NIM1K: variants seen among roughly 807,000 people sequenced by gnomAD.
The protein encoded by NIM1K is NIM1 serine/threonine protein kinase, also known as serine/threonine-protein kinase NIM1.
NIM1K carries 35 observed loss-of-function variants against 37.1 expected under a neutral mutation model. That is an observed-to-expected ratio of 0.94 (90% CI 0.72 to 1.25). The LOEUF is 1.25. Ranked by LOEUF, NIM1K falls within the 50% of genes most tolerant of loss-of-function variation. The pLI is 0.00. For missense variants in NIM1K, 564 were observed against 548.0 expected (o/e 1.03, Z -0.29); for synonymous variants, 234 against 206.6 (o/e 1.13, Z -1.14).
At chr5:43,199,527 C>A (rs562458298) in intron 1 of NIM1K, among the ~76,000 whole-genome samples, 10 of 152,172 alleles carry the variant, frequency 6.6e-5, no homozygotes, top group Non-Finnish European at 1.0e-4. Context: ...ACTTCATGGT[C>A]TCTAGGTGGC....
intron 1 of NIM1K, among the ~76,000 whole-genome samples, chr5:43,238,206 C>G (rs1373905017): frequency 6.6e-6 from 1 of 151,954 alleles, no homozygotes; most frequent in East Asian, 1.9e-4. Flanking sequence ...CCACGCCCGG[C>G]TAATTTTTTG....
At chr5:43,198,207 CTCTTTCT>C (rs1360754929) in intron 1 of NIM1K, among the ~76,000 whole-genome samples, 1 of 48,872 alleles carries the variant, frequency 2.0e-5, no homozygotes, top group African/African-American at 7.9e-5. Context: ...TTCTTTCTTT[CTCTTTCT>C]TTCTTTCTTT....
rs550459357 is a variant in NIM1K, at chr5:43,236,772, G to C, written c.-694-8310G>C. 6.6e-5 allele frequency among the ~76,000 whole-genome samples: 10 copies of C among 152,336 alleles called. No homozygotes were observed. In the South Asian group the frequency reaches 2.1e-3, roughly 32 times the overall value. On this transcript the variant is annotated intron_variant, in intron 1 of 3. Coordinates refer to ENST00000326035, the MANE Select transcript of NIM1K (RefSeq NM_153361.4). ...ACTGGATGGACTGTCCCTGGATGCT[G>C]GGTGTGAACTGGATGAGGGTAGACC... is the stretch of plus-strand genomic sequence containing the variant.
chr5:43,211,722 C>T (rs527971409), intron 1 of NIM1K, among the ~76,000 whole-genome samples: 5 of 152,236 alleles, frequency 3.3e-5, no homozygotes, highest in African/African-American at 9.6e-5. Context: ...GCTTTCTAGA[C>T]CATGCAATGG....
At chr5:43,252,547 G>C (rs975726352) in intron 2 of NIM1K, among the ~76,000 whole-genome samples, 1 of 147,576 alleles carries the variant, frequency 6.8e-6, no homozygotes, top group Non-Finnish European at 1.5e-5. Flanking sequence ...GCCAGGAGCA[G>C]CTCCCAGGAC....
Position 43,256,725 on chromosome 5 carries a change from T to C in NIM1K, c.292+10658T>C, listed in dbSNP as rs183176585. Among the ~76,000 whole-genome samples the C allele has an allele frequency of 2.1e-3, 326 of 152,296 alleles. 4 individuals are homozygous for C. Among genetic ancestry groups the C allele is most frequent in the African/African-American group, 7.5e-3 (313 of 41,554 alleles). ...CAGAAGTACAGAATGCACTTCCTGG[T>C]GGAGTGGCCAGCAACCACTGACTGG... On this transcript the variant is annotated intron_variant, in intron 2 of 3. Transcript: ENST00000326035.
chr5:43,272,188 T>C (rs966785695), intron 2 of NIM1K, among the ~76,000 whole-genome samples: 1 of 152,206 alleles, frequency 6.6e-6, no homozygotes, highest in Non-Finnish European at 1.5e-5. Context: ...TTGTAGACCA[T>C]AACCCTAATG....
At position 43,228,661 on chromosome 5, in the gene NIM1K, C is replaced by CA. The variant is rs542810989; in HGVS notation, c.-694-16410dup. 9.7e-3 allele frequency among the ~76,000 whole-genome samples: 1,368 copies of CA among 140,972 alleles called. 12 individuals are homozygous for CA. Among genetic ancestry groups the CA allele is most frequent in the African/African-American group, 0.026 (988 of 38,238 alleles). 92.5% of individuals were successfully genotyped at this position (140,972 alleles called of 152,430 possible). On this transcript the variant is annotated intron_variant, in intron 1 of 3. Coordinates refer to ENST00000326035, the MANE Select transcript of NIM1K (RefSeq NM_153361.4). Reference sequence around the variant, plus strand: ...CCAACATGGCAAAACCCTGTCTCTACAAAAAAAAAAACCCTAAAAATCAGC... The same window carrying CA: ...CCAACATGGCAAAACCCTGTCTCTACAAAAAAAAAAAACCCTAAAAATCAGC...
intron 2 of NIM1K, among the ~76,000 whole-genome samples, chr5:43,276,405 A>T (rs189770801): frequency 6.6e-6 from 1 of 152,364 alleles, no homozygotes; most frequent in East Asian, 1.9e-4. Context: ...ATCTCATGTG[A>T]ACTCAGAGCG....
intron 1 of NIM1K, among the ~76,000 whole-genome samples, chr5:43,235,063 C>A (rs1478429570): frequency 6.6e-6 from 1 of 152,150 alleles, no homozygotes; most frequent in Non-Finnish European, 1.5e-5. Flanking sequence ...TGTTTCATTT[C>A]CTTTTAAAAA....
intron 1 of NIM1K, among the ~76,000 whole-genome samples, chr5:43,223,247 G>A (rs774823975): frequency 3.3e-5 from 5 of 152,146 alleles, no homozygotes; most frequent in Non-Finnish European, 7.3e-5. Context: ...TCCCTGCCTG[G>A]GCTTGAATCC....
intron 1 of NIM1K, among the ~76,000 whole-genome samples, chr5:43,236,274 A>G (rs892671253): frequency 1.3e-5 from 2 of 151,990 alleles, no homozygotes; most frequent in Non-Finnish European, 2.9e-5. Flanking sequence ...CAAACAAAAA[A>G]CAAAACAAAA....
chr5:43,263,396 G>T (rs541978631), intron 2 of NIM1K, among the ~76,000 whole-genome samples: 4,863 of 152,112 alleles, frequency 0.032, 287 homozygotes, highest in African/African-American at 0.11. Context: ...TTTATTTGCA[G>T]AGTGGTATTT....
intron 3 of NIM1K, among the ~76,000 whole-genome samples, chr5:43,277,688 G>A (rs936067320): frequency 4.0e-5 from 6 of 151,716 alleles, no homozygotes; most frequent in African/African-American, 1.2e-4. Flanking sequence ...TGTCTAGGAT[G>A]CCCTCATATG....
At chr5:43,250,528 A>C (rs1752853719) in intron 2 of NIM1K, among the ~76,000 whole-genome samples, 1 of 152,198 alleles carries the variant, frequency 6.6e-6, no homozygotes, top group African/African-American at 2.4e-5. Context: ...AACACACAGC[A>C]CCAAAAGAGC....
intron 1 of NIM1K, among the ~76,000 whole-genome samples, chr5:43,235,390 C>T (rs1752606572): frequency 6.6e-6 from 1 of 152,150 alleles, no homozygotes; most frequent in South Asian, 2.1e-4. Context: ...GTCTCTTAAG[C>T]ATTTTTGTTT....
chr5:43,198,425 TTTCC>T (rs1224827346), intron 1 of NIM1K, among the ~76,000 whole-genome samples: 1 of 150,194 alleles, frequency 6.7e-6, no homozygotes, highest in Non-Finnish European at 1.5e-5. Flanking sequence ...TCTTTCCTAC[TTTCC>T]TTCCTTCCTT....
intron 1 of NIM1K, among the ~76,000 whole-genome samples, chr5:43,208,806 A>G (rs1487986860): frequency 6.6e-6 from 1 of 152,158 alleles, no homozygotes; most frequent in East Asian, 1.9e-4. Flanking sequence ...TTTGGGGGAA[A>G]GGGACTAGAG....
chr5:43,215,456 A>G (rs1409005863), intron 1 of NIM1K, among the ~76,000 whole-genome samples: 1 of 151,964 alleles, frequency 6.6e-6, no homozygotes, highest in African/African-American at 2.4e-5. Flanking sequence ...TTTTTTCGAG[A>G]TGGAATCTGG....
Sources: gnomAD v4.1 joint callset for allele counts (sites outside exome capture counted in the v4.1 genomes callset) on GRCh38, gnomAD v4.1.1 for gene constraint, MANE v1.5 for transcripts, NCBI Gene and HGNC (gene_info 2026-07-23, HGNC 2026-07-21) for gene names.